Variants in APBB1IP observed in about 807,000 individuals in gnomAD.
APBB1IP encodes amyloid beta A4 precursor protein-binding family B member 1-interacting protein.
Under a neutral mutation model 64.9 loss-of-function variants are expected in APBB1IP, and 27 were observed. That is an observed-to-expected ratio of 0.42 (90% CI 0.31 to 0.57). APBB1IP has a LOEUF of 0.57. Ranked by LOEUF, APBB1IP falls within the 20% of genes least tolerant of loss-of-function variation. APBB1IP has a pLI of 0.20. For synonymous variants in APBB1IP, 392 were observed against 331.0 expected (o/e 1.18, Z -2.00); for missense variants, 812 against 845.5 (o/e 0.96, Z 0.49).
chr10:26,438,753 C>A lies in APBB1IP; in HGVS notation c.-101C>A, dbSNP rs4749126. On this transcript the variant is annotated 5_prime_UTR_variant, in exon 2 of 15. Coordinates refer to ENST00000376236, the MANE Select transcript of APBB1IP (RefSeq NM_019043.4). ...TGACAGCACTTCCTCCCCGGGGCAG[C>A]GACCTGGAGCCCGGGTGCGGCAGTC... 0.61 allele frequency: 92,181 copies of A among 152,066 alleles called. 28,489 individuals carry two copies. Among genetic ancestry groups the A allele is most frequent in the East Asian group, 0.92 (4,735 of 5,138 alleles). The allele number at this position is 152,066 out of a possible 1,614,324, so 9.4% of individuals were successfully genotyped here.
At chr10:26,535,108 T>G (rs1380465376) in intron 9 of APBB1IP, among the ~76,000 whole-genome samples, 1 of 152,080 alleles carries the variant, frequency 6.6e-6, no homozygotes, top group African/African-American at 2.4e-5. Context: ...TAGAATAATA[T>G]ATAATTTTAT....
intron 2 of APBB1IP, among the ~76,000 whole-genome samples, chr10:26,488,562 G>A (rs182077308): frequency 1.3e-5 from 2 of 152,276 alleles, no homozygotes; most frequent in East Asian, 3.9e-4. Context: ...AGGAGGATAT[G>A]ATTCAGATAC....
At position 26,506,260 on chromosome 10, in the gene APBB1IP, G is replaced by GT. The variant is rs1180365081; in HGVS notation, c.531+2986_531+2987insT. Among the ~76,000 whole-genome samples the GT allele has an allele frequency of 1.6e-3, 213 of 135,700 alleles. 6 individuals are homozygous for GT. The highest frequency in any genetic ancestry group is 4.8e-3 in the African/African-American group (176 of 36,772). 89.0% of individuals were successfully genotyped at this position (135,700 alleles called of 152,430 possible). A position where few individuals can be genotyped will look rare whatever the true frequency, so the allele number is the denominator to read the frequency against. On this transcript the variant is annotated intron_variant, in intron 6 of 14. Coordinates refer to ENST00000376236, the MANE Select transcript of APBB1IP (RefSeq NM_019043.4). The stretch of plus-strand genomic sequence containing the variant: ...ACTACCGTGTGTGTGTGGGGGGGGG[G>GT]GGTGGGGGGCAAGGTCTTGCTCTGT...
chr10:26,557,334 G>A (rs909730350), intron 11 of APBB1IP, among the ~76,000 whole-genome samples: 1 of 152,202 alleles, frequency 6.6e-6, no homozygotes, highest in African/African-American at 2.4e-5. Context: ...TCGGTAGAGA[G>A]AATGTCTGTG....
intron 5 of APBB1IP, 42 bp downstream of exon 5, chr10:26,501,153 G>A: frequency 6.2e-7 from 1 of 1,611,892 alleles, no homozygotes; most frequent in South Asian, 1.1e-5. Context: ...ATCAACCTCT[G>A]CTACCTATCA....
At chr10:26,511,470 G>A (rs1220918029) in intron 6 of APBB1IP, among the ~76,000 whole-genome samples, 1 of 152,110 alleles carries the variant, frequency 6.6e-6, no homozygotes, top group Non-Finnish European at 1.5e-5. Context: ...TTTTTGTTCT[G>A]TTGTTTTCTG....
In APBB1IP at chr10:26,498,667, C is replaced by T. The variant is rs992727885; in HGVS notation, c.161-2152C>T. ...AGTTAAAATTTAATCAATATTTCAA[C>T]TTAATTGTAGTCATCTCAACTAACG... On this transcript the variant is annotated intron_variant, in intron 4 of 14. Transcript: ENST00000376236. Among the ~76,000 whole-genome samples, 24 of 152,290 alleles carry T rather than the reference C, an allele frequency of 1.6e-4. 1 individual carries two copies. Among genetic ancestry groups the T allele is most frequent in the Admixed American group, 1.4e-3 (22 of 15,292 alleles).
At chr10:26,447,639 G>T (rs1174770468) in intron 2 of APBB1IP, among the ~76,000 whole-genome samples, 1 of 152,092 alleles carries the variant, frequency 6.6e-6, no homozygotes, top group Admixed American at 6.6e-5. Flanking sequence ...CTGGAGCAGA[G>T]CTGTCCAGTA....
intron 2 of APBB1IP, among the ~76,000 whole-genome samples, chr10:26,468,522 A>C (rs703008): frequency 6.6e-6 from 1 of 152,168 alleles, no homozygotes; most frequent in Non-Finnish European, 1.5e-5. Context: ...AAAATGAACA[A>C]GTGATTGTTA....
intron 2 of APBB1IP, among the ~76,000 whole-genome samples, chr10:26,447,330 G>A (rs4747561): frequency 0.39 from 56,043 of 142,806 alleles, 11,064 homozygotes; most frequent in South Asian, 0.5. Context: ...AGCCGAGATC[G>A]CGCCACTGCA....
chr10:26,514,354 T>C (rs1448409255), intron 8 of APBB1IP, among the ~76,000 whole-genome samples: 1 of 152,230 alleles, frequency 6.6e-6, no homozygotes, highest in Non-Finnish European at 1.5e-5. Flanking sequence ...GTTGTTTGTA[T>C]TTGGTGCTTA....
intron 10 of APBB1IP, among the ~76,000 whole-genome samples, chr10:26,540,156 T>G (rs1456642272): frequency 6.6e-6 from 1 of 152,234 alleles, no homozygotes; most frequent in Non-Finnish European, 1.5e-5. Flanking sequence ...AAATAACTTC[T>G]AATCATCTGT....
At chr10:26,469,721 A>G (rs570988003) in intron 2 of APBB1IP, among the ~76,000 whole-genome samples, 2 of 152,170 alleles carry the variant, frequency 1.3e-5, no homozygotes, top group East Asian at 3.9e-4. Flanking sequence ...CATAGTCCTG[A>G]ACATTAAACC....
chr10:26,562,027 G>A (rs754880500), intron 13 of APBB1IP: 6 of 268,356 alleles, frequency 2.2e-5, no homozygotes, highest in Non-Finnish European at 4.4e-5. Context: ...ATCCCAGTTA[G>A]TCCAGACCCT....
chr10:26,560,949 G>A (rs1836960621), intron 13 of APBB1IP, 105 bp downstream of exon 13: 3 of 735,280 alleles, frequency 4.1e-6, no homozygotes, highest in Non-Finnish European at 6.0e-6. Context: ...ACAGCATTCA[G>A]AATATGTTTC....
chr10:26,541,670 C>T lies in APBB1IP; in HGVS notation c.1133C>T (p.Thr378Ile). Residue 378 changes from threonine (T) to isoleucine (I), a missense_variant, in exon 11 of 15, where the codon ACT becomes ATT. Thr to Ile is a moderately conservative substitution (Grantham distance 89). Coordinates refer to ENST00000376236, the MANE Select transcript of APBB1IP (RefSeq NM_019043.4). ...TQHKMKYKAP[T>I]DYCFVLKHPQ... is the part of the protein sequence containing the mutation. ...CATAAAATGAAATATAAAGCGCCCA[C>T]TGACTATTGCTTTGTTTTAAAGGTA... The T allele has an allele frequency of 6.2e-7, 1 of 1,607,578 alleles. No individual in the cohort carries two copies. Among genetic ancestry groups the T allele is most frequent in the Non-Finnish European group, 8.5e-7 (1 of 1,176,516 alleles).
intron 6 of APBB1IP, 93 bp from the exon 7 acceptor site, chr10:26,511,654 A>G (rs1454258858): frequency 1.4e-6 from 2 of 1,456,060 alleles, no homozygotes; most frequent in East Asian, 4.6e-5. Flanking sequence ...TCTTACAGAA[A>G]TTTGCAGAAA....
chr10:26,512,790 T>A (rs1217105554), intron 7 of APBB1IP, among the ~76,000 whole-genome samples: 1 of 152,122 alleles, frequency 6.6e-6, no homozygotes, highest in East Asian at 1.9e-4. Context: ...AATGGGACAG[T>A]CGTCTCTCAG....
At position 26,536,222 on chromosome 10, in the gene APBB1IP, G is replaced by C; in HGVS notation, c.1044+5G>C. On this transcript the variant is annotated splice_donor_5th_base_variant and intron_variant, in intron 10 of 14. Transcript: ENST00000376236. ...GTACCCAAAGGAAAGACTAAGGTCA[G>C]AAAAAAAAAAAAAAAAGCACTTAGC... The C allele has an allele frequency of 1.5e-6, 2 of 1,352,806 alleles. No homozygotes were observed. The highest frequency in any genetic ancestry group is 1.9e-6 in the Non-Finnish European group (2 of 1,035,552). 83.8% of individuals were successfully genotyped at this position (1,352,806 alleles called of 1,614,324 possible).
Sources: gnomAD v4.1 joint callset for allele counts (sites outside exome capture counted in the v4.1 genomes callset) on GRCh38, gnomAD v4.1.1 for gene constraint, MANE v1.5 for transcripts, NCBI Gene and HGNC (gene_info 2026-07-23, HGNC 2026-07-21) for gene names.